ANK1: variants seen among roughly 807,000 people sequenced by gnomAD.
The protein encoded by ANK1 is ankyrin 1.
In ANK1, 51 loss-of-function variants were observed where a neutral mutation model predicts 210.4. The observed-to-expected ratio is 0.24, with a 90% CI of 0.19 to 0.31. The LOEUF (loss-of-function observed/expected upper bound fraction) is 0.31, where lower values mean the gene tolerates loss of function less well. Among genes scored for constraint, ANK1 ranks in the 10% least tolerant of loss-of-function variants. The pLI is 1.00. For missense variants in ANK1, 2,051 were observed against 2,504.4 expected, an observed-to-expected ratio of 0.82 and a Z score of 3.86; for synonymous variants, 967 against 1,025.9, an observed-to-expected ratio of 0.94 and a Z score of 1.10.
chr8:41,880,778 C>T (rs1817449186), intron 1 of ANK1, among the ~76,000 whole-genome samples: 3 of 152,250 alleles, frequency 2.0e-5, no homozygotes, highest in Admixed American at 2.0e-4. Context: ...CAAACTCAAG[C>T]TCCCTGGCAG....
At chr8:41,783,838 G>A (rs1255901148) in intron 1 of ANK1, among the ~76,000 whole-genome samples, 1 of 152,194 alleles carries the variant, frequency 6.6e-6, no homozygotes, top group Non-Finnish European at 1.5e-5. Flanking sequence ...CAAAGTGGGA[G>A]GATCATTTGA....
At chr8:41,824,779 C>T (rs1427313485) in intron 1 of ANK1, among the ~76,000 whole-genome samples, 1 of 152,146 alleles carries the variant, frequency 6.6e-6, no homozygotes, top group Non-Finnish European at 1.5e-5. Flanking sequence ...TTCAAGGCAT[C>T]TGGTCAGGAG....
chr8:41,661,985 TC>T, intron 40 of ANK1, 44 bp from the exon 41 acceptor site: 2 of 1,605,600 alleles, frequency 1.2e-6, no homozygotes, highest in South Asian at 1.1e-5. Flanking sequence ...CAGGCCGGGC[TC>T]GGGGGCTCAT....
chr8:41,865,862 C>A (rs1814333640), intron 1 of ANK1, among the ~76,000 whole-genome samples: 1 of 152,320 alleles, frequency 6.6e-6, no homozygotes, highest in East Asian at 1.9e-4. Flanking sequence ...TCTCCCCTAT[C>A]CCTGCACCAG....
chr8:41,855,931 G>A (rs1359624605), intron 1 of ANK1, among the ~76,000 whole-genome samples: 3 of 152,206 alleles, frequency 2.0e-5, no homozygotes, highest in Admixed American at 6.5e-5. Flanking sequence ...ATTTAAAGCC[G>A]TGACATTCTG....
chr8:41,664,127 C>A (rs1377720287), intron 39 of ANK1: 1 of 460,834 alleles, frequency 2.2e-6, no homozygotes, highest in Non-Finnish European at 4.3e-6. Context: ...GGCAGCATCA[C>A]CCAGAATGTG....
chr8:41,889,173 C>T (rs1818971024), intron 1 of ANK1, among the ~76,000 whole-genome samples: 1 of 152,216 alleles, frequency 6.6e-6, no homozygotes, highest in African/African-American at 2.4e-5. Flanking sequence ...TTTGACTCTT[C>T]TCTCAGTGCC....
chr8:41,890,527 G>A (rs560937424), intron 1 of ANK1, among the ~76,000 whole-genome samples: 1 of 152,262 alleles, frequency 6.6e-6, no homozygotes, highest in African/African-American at 2.4e-5. Flanking sequence ...TGGCCAACAT[G>A]GTGAAATGCC....
In ANK1 at chr8:41,851,307, A is replaced by G. The variant is rs559110744; in HGVS notation, c.126+45048T>C. 1.9e-3 allele frequency among the ~76,000 whole-genome samples: 291 copies of G among 152,348 alleles called. 2 individuals carry two copies. Among genetic ancestry groups the G allele is most frequent in the African/African-American group, 6.8e-3 (282 of 41,588 alleles). On this transcript the variant is annotated intron_variant, in intron 1 of 42. Coordinates refer to the ANK1 transcript ENST00000265709. ...AGAAGCTTCCCCGAGGATGGCAGAGAACACTCCAGCAATGAGGCAGTGGGC... is the reference window on the plus strand; with the variant it reads ...AGAAGCTTCCCCGAGGATGGCAGAGGACACTCCAGCAATGAGGCAGTGGGC...
rs1846756155 is a variant in ANK1, at chr8:41,787,889, G to A, written c.27+9623C>T. 3.3e-5 allele frequency among the ~76,000 whole-genome samples: 5 copies of A among 151,872 alleles called. No individual in the cohort carries two copies. In the South Asian group the frequency reaches 1.0e-3, roughly 32 times the overall value. On this transcript the variant is annotated intron_variant, in intron 1 of 42. Transcript: ENST00000289734. Reference sequence around the variant, plus strand: ...GGGGAGGAGGAGGAGGAGAAAGAAGGAAAAACACCAGTGACCTAGAAATGG... The same window carrying A: ...GGGGAGGAGGAGGAGGAGAAAGAAGAAAAAACACCAGTGACCTAGAAATGG...
chr8:41,709,884 G>A (rs768140403), intron 16 of ANK1, among the ~76,000 whole-genome samples: 4 of 152,164 alleles, frequency 2.6e-5, no homozygotes, highest in African/African-American at 4.8e-5. Flanking sequence ...AGCTCTGATC[G>A]TACCACTGCA....
chr8:41,719,454 T>C (rs779440262), intron 10 of ANK1, among the ~76,000 whole-genome samples: 1 of 152,170 alleles, frequency 6.6e-6, no homozygotes, highest in Non-Finnish European at 1.5e-5. Flanking sequence ...CAGGGGTCGA[T>C]ACCCAGGTGG....
At chr8:41,873,140 C>T (rs1009749644) in intron 1 of ANK1, among the ~76,000 whole-genome samples, 1 of 152,334 alleles carries the variant, frequency 6.6e-6, no homozygotes, top group East Asian at 1.9e-4. Context: ...AAAAAAGTCA[C>T]TATTCTATTT....
At chr8:41,748,209 T>C (rs1479264197) in intron 2 of ANK1, among the ~76,000 whole-genome samples, 2 of 152,226 alleles carry the variant, frequency 1.3e-5, no homozygotes, top group East Asian at 3.8e-4. Flanking sequence ...CAATGAAACG[T>C]TCTTTCTTCC....
intron 1 of ANK1, 109 bp from the exon 2 acceptor site, chr8:41,758,246 C>T (rs922907308): frequency 1.0e-6 from 1 of 971,524 alleles, no homozygotes; most frequent in East Asian, 2.4e-5. Context: ...TGATGTGGCA[C>T]CCTGGTGCCC....
chr8:41,850,859 G>A (rs895780943), intron 1 of ANK1, among the ~76,000 whole-genome samples: 1 of 152,234 alleles, frequency 6.6e-6, no homozygotes, highest in African/African-American at 2.4e-5. Flanking sequence ...GCTAGTAAGT[G>A]GCTGAGCCAG....
chr8:41,826,587 T>G (rs1381375746), intron 1 of ANK1, among the ~76,000 whole-genome samples: 1 of 152,174 alleles, frequency 6.6e-6, no homozygotes, highest in East Asian at 1.9e-4. Flanking sequence ...CAACATTTTC[T>G]TTTCTAGTGA....
chr8:41,795,417 G>T (rs994845491), intron 1 of ANK1, among the ~76,000 whole-genome samples: 1 of 152,098 alleles, frequency 6.6e-6, no homozygotes. Flanking sequence ...GCTGAGGCAC[G>T]AGGATTGCTT....
In ANK1 at chr8:41,725,961, A is replaced by C. The variant is rs1389290370; in HGVS notation, c.427-15T>G. The C allele has an allele frequency of 6.2e-7, 1 of 1,612,060 alleles. No homozygotes were observed. Among genetic ancestry groups the C allele is most frequent in the East Asian group, 2.2e-5 (1 of 44,850 alleles). ...GTGAAGCCGTCCTGGCCAGAGGAGG[A>C]AAATGCTTTGCTCTGACTCGTCTGA... On this transcript the variant is annotated splice_polypyrimidine_tract_variant and intron_variant, in intron 5 of 42. Transcript: ENST00000289734.
Sources: allele counts gnomAD v4.1 joint callset (sites outside exome capture counted in the v4.1 genomes callset), GRCh38; gene constraint gnomAD v4.1.1; transcripts MANE v1.5; gene names NCBI Gene and HGNC (gene_info 2026-07-23, HGNC 2026-07-21).